Variants in PPP2R2C observed in about 807,000 individuals in gnomAD.
PPP2R2C encodes protein phosphatase 2 regulatory subunit Bgamma.
PPP2R2C carries 10 observed loss-of-function variants against 45.3 expected under a neutral mutation model. The ratio of observed to expected loss-of-function variants is 0.22; its 90% CI spans 0.14 to 0.37. PPP2R2C has a LOEUF of 0.37. Among genes scored for constraint, PPP2R2C ranks in the 10% least tolerant of loss-of-function variants. The pLI is 1.00. For synonymous variants in PPP2R2C, 257 were observed against 245.4 expected (o/e 1.05, Z -0.44); for missense variants, 308 against 619.7 (o/e 0.50, Z 5.34).
At chr4:6,381,116 G>A (rs376242939) in intron 1 of PPP2R2C, 22 bp from the exon 2 acceptor site, 22 of 1,559,268 alleles carry the variant, frequency 1.4e-5, no homozygotes, top group South Asian at 7.1e-5. Flanking sequence ...ACAGCAAGAC[G>A]GGAAGGGGTG....
intron 1 of PPP2R2C, among the ~76,000 whole-genome samples, chr4:6,436,655 C>T (rs970075779): frequency 8.5e-5 from 13 of 152,190 alleles, no homozygotes; most frequent in African/African-American, 2.9e-4. Context: ...TTGACATGAA[C>T]CAAGGGTCAG....
Position 6,527,946 on chromosome 4 carries a change from A to C in PPP2R2C, c.49+7325T>G, listed in dbSNP as rs75563811. 2.2e-3 allele frequency among the ~76,000 whole-genome samples: 335 copies of C among 152,312 alleles called. 3 individuals are homozygous for C. The highest frequency in any genetic ancestry group is 7.7e-3 in the African/African-American group (320 of 41,580). On this transcript the variant is annotated intron_variant, in intron 2 of 9. Coordinates refer to the PPP2R2C transcript ENST00000506140. ...AGGGACAAAGGAGGCACAGCCCGTGAGCCCAGACTCCAAGCCCCAGGACAT... is the reference window on the plus strand; with the variant it reads ...AGGGACAAAGGAGGCACAGCCCGTGCGCCCAGACTCCAAGCCCCAGGACAT...
At chr4:6,485,342 T>G (rs1206860997) in intron 2 of PPP2R2C, among the ~76,000 whole-genome samples, 4 of 151,882 alleles carry the variant, frequency 2.6e-5, no homozygotes, top group African/African-American at 9.7e-5. Flanking sequence ...GGACACGAAT[T>G]TTTTCATAAT....
intron 1 of PPP2R2C, among the ~76,000 whole-genome samples, chr4:6,542,474 A>G (rs1408003589): frequency 6.6e-6 from 1 of 152,142 alleles, no homozygotes; most frequent in Non-Finnish European, 1.5e-5. Context: ...TGGGCGAATC[A>G]CCTGAAGTCA....
chr4:6,353,377 G>GTCCCCACACTGACAGC (rs1553886711), intron 5 of PPP2R2C, among the ~76,000 whole-genome samples: 1 of 18,000 alleles, frequency 5.6e-5, no homozygotes, highest in Non-Finnish European at 9.9e-5. Context: ...CCAACCAACA[G>GTCCCCACACTGACAGC]CCCCCACACT....
chr4:6,545,140 A>G (rs1229459898), intron 1 of PPP2R2C, among the ~76,000 whole-genome samples: 3 of 152,182 alleles, frequency 2.0e-5, no homozygotes, highest in Non-Finnish European at 4.4e-5. Flanking sequence ...TATTAATGAA[A>G]AAGTCAGGCC....
chr4:6,554,327 A>T (rs1449781081), intron 1 of PPP2R2C, among the ~76,000 whole-genome samples: 2 of 152,196 alleles, frequency 1.3e-5, no homozygotes, highest in African/African-American at 4.8e-5. Flanking sequence ...AATGCCAAAG[A>T]TGGACAGCAA....
At chr4:6,382,525 T>G in intron 1 of PPP2R2C, 1 of 1,351,778 alleles carries the variant, frequency 7.4e-7, no homozygotes, top group Non-Finnish European at 9.8e-7. Flanking sequence ...AACTGAATTC[T>G]GATCCCTCCT....
chr4:6,451,342 G>T (rs1313660012), intron 1 of PPP2R2C, among the ~76,000 whole-genome samples: 1 of 152,214 alleles, frequency 6.6e-6, no homozygotes, highest in Non-Finnish European at 1.5e-5. Flanking sequence ...TCTCGGCACG[G>T]CCCACAGCTT....
intron 1 of PPP2R2C, among the ~76,000 whole-genome samples, chr4:6,393,009 C>T (rs1560510565): frequency 6.6e-6 from 1 of 152,222 alleles, no homozygotes; most frequent in East Asian, 1.9e-4. Context: ...GGCGTTGCAT[C>T]ATGATGATTT....
chr4:6,372,137 C>T (rs1437942647), intron 5 of PPP2R2C, among the ~76,000 whole-genome samples: 1 of 152,212 alleles, frequency 6.6e-6, no homozygotes, highest in Admixed American at 6.5e-5. Flanking sequence ...ACACAGCCTG[C>T]CTTGGGTCCC....
chr4:6,490,591 G>A (rs1477217884), intron 2 of PPP2R2C, among the ~76,000 whole-genome samples: 1 of 152,166 alleles, frequency 6.6e-6, no homozygotes, highest in African/African-American at 2.4e-5. Flanking sequence ...GATGGGACAG[G>A]TGGGACAGAG....
rs541002804 is a variant in PPP2R2C at position 6,349,953 on chromosome 4, G to GA, written c.626-1944dup. 1.7e-5 allele frequency: 17 copies of GA among 985,288 alleles called. No individual in the cohort carries two copies. In the Admixed American group the frequency reaches 3.7e-4, roughly 21 times the overall value. The allele number at this position is 985,288 out of a possible 1,614,324, so 61.0% of individuals were successfully genotyped here. A position where few individuals can be genotyped will look rare whatever the true frequency, so the allele number is the denominator to read the frequency against. On this transcript the variant is annotated intron_variant, in intron 5 of 8. Coordinates refer to ENST00000382599, the MANE Select transcript of PPP2R2C (RefSeq NM_020416.4). ...ACCCGAGGGTTTATAAAATGCCAGGGAAAAAAATGGCTGATCTGTGCAGTC... is the reference window on the plus strand; with the variant it reads ...ACCCGAGGGTTTATAAAATGCCAGGGAAAAAAAATGGCTGATCTGTGCAGTC...
At chr4:6,382,952 C>T in intron 1 of PPP2R2C, 1 of 1,076,316 alleles carries the variant, frequency 9.3e-7, no homozygotes, top group Non-Finnish European at 1.1e-6. Flanking sequence ...CTAAAGGCAG[C>T]CCCCACCTGC....
chr4:6,555,604 G>C (rs1432100758), intron 1 of PPP2R2C: 1 of 152,266 alleles, frequency 6.6e-6, no homozygotes, highest in Non-Finnish European at 1.5e-5. Flanking sequence ...CCTGCTTCTG[G>C]GTGATGAGAG....
chr4:6,342,664 G>C (rs1182146703), intron 6 of PPP2R2C, among the ~76,000 whole-genome samples: 2 of 152,328 alleles, frequency 1.3e-5, no homozygotes, highest in Admixed American at 6.5e-5. Context: ...CGCAGGCTCT[G>C]TGCTGTCATA....
chr4:6,418,696 AGGGACAAT>A (rs1718765725), intron 1 of PPP2R2C, among the ~76,000 whole-genome samples: 1 of 152,208 alleles, frequency 6.6e-6, no homozygotes, highest in South Asian at 2.1e-4. Context: ...GTGCTCCCAA[AGGGACAAT>A]GGTGTGTCAT....
chr4:6,491,994 G>T (rs1342001049), intron 2 of PPP2R2C, among the ~76,000 whole-genome samples: 2 of 152,196 alleles, frequency 1.3e-5, no homozygotes, highest in African/African-American at 4.8e-5. Flanking sequence ...CTGCTGCAGG[G>T]CCTGAGTAAA....
At chr4:6,554,523 C>T (rs1283965394) in intron 1 of PPP2R2C, among the ~76,000 whole-genome samples, 2 of 152,154 alleles carry the variant, frequency 1.3e-5, no homozygotes, top group Non-Finnish European at 1.5e-5. Flanking sequence ...TAGACGGCTA[C>T]AACAAGATAC....
Sources: gnomAD v4.1 joint callset for allele counts (sites outside exome capture counted in the v4.1 genomes callset) on GRCh38, gnomAD v4.1.1 for gene constraint, MANE v1.5 for transcripts, NCBI Gene and HGNC (gene_info 2026-07-23, HGNC 2026-07-21) for gene names.